Variants in KRT10 observed in about 807,000 individuals in gnomAD.
KRT10 encodes the protein keratin 10, also known as keratin, type I cytoskeletal 10.
KRT10 carries 40 observed loss-of-function variants against 59.2 expected under a neutral mutation model. That is an observed-to-expected ratio of 0.68 (90% CI 0.52 to 0.88). The LOEUF is 0.88. KRT10 is among the 40% of genes least tolerant of loss of function. The pLI, the probability that KRT10 is intolerant of heterozygous loss-of-function variation, is 0.00. For synonymous variants in KRT10, 336 were observed against 310.7 expected (o/e 1.08, Z -0.86); for missense variants, 719 against 749.1 (o/e 0.96, Z 0.47).
At chr17:40,819,977 C>T in intron 5 of KRT10, 72 bp downstream of exon 5, 1 of 1,562,306 alleles carries the variant, frequency 6.4e-7, no homozygotes, top group Non-Finnish European at 8.8e-7. Flanking sequence ...TTTTTTGTTG[C>T]ATTGCATATT....
chr17:40,822,158 G>T lies in KRT10; in HGVS notation c.428C>A (p.Ser143Tyr), dbSNP rs563178579. The change falls in exon 1 of 8, where the codon TCT (serine) becomes TAT (tyrosine). Residue 143 changes from serine (S) to tyrosine (Y), a missense_variant. Transcript: ENST00000269576. ...CTGCATGGTTACTTTTTCATTTCCA[G>T]AGAGAAGGCCACCATCTCCTCCAAA... ...GGFGGDGGLL[S>Y]GNEKVTMQNL... The T allele has an allele frequency of 2.9e-5, 47 of 1,613,894 alleles. No homozygotes were observed. The South Asian group carries it at 4.5e-4, about 15-fold the overall frequency.
Position 40,819,075 on chromosome 17 carries a change from T to C in KRT10, c.1460A>G (p.His487Arg), listed in dbSNP as rs1463314669. 33 of 1,215,212 alleles carry C rather than the reference T, an allele frequency of 2.7e-5. No individual in the cohort carries two copies. Among genetic ancestry groups the C allele is most frequent in the Non-Finnish European group, 3.4e-5 (32 of 932,144 alleles). The allele number at this position is 1,215,212 out of a possible 1,614,324, so 75.3% of individuals were successfully genotyped here. A position where few individuals can be genotyped will look rare whatever the true frequency, so the allele number is the denominator to read the frequency against. Residue 487 changes from histidine to arginine, a missense_variant, in exon 7 of 8, where the codon CAC becomes CGC. Transcript: ENST00000269576. ...GGAACTGCCGCCGTGGCCGCCGCCG[T>C]GGCCGCCGCCGGAGCTTCCGCCGCC... ...SSGGGSSGGG[H>R]GGGHGGSSGG...
Position 40,822,488 on chromosome 17 carries a change from G to A in KRT10, c.98C>T (p.Ser33Phe), listed in dbSNP as rs151149062. Residue 33 changes from serine (S) to phenylalanine (F), a missense_variant, in exon 1 of 8, where the codon TCC (serine) becomes TTC (phenylalanine). Coordinates refer to ENST00000269576, the MANE Select transcript of KRT10 (RefSeq NM_000421.5). ...GCCTTTGCTGCTAGAAATTCTTAGG[G>A]ATGACACTCCTCCTCCTCCTCCACA... ...GGCGGGGGVS[S>F]LRISSSKGSL... is the part of the protein sequence containing the mutation. The A allele has an allele frequency of 2.7e-4, 440 of 1,613,422 alleles. No homozygotes were observed. The highest frequency in any genetic ancestry group is 1.5e-3 in the Middle Eastern group (9 of 6,060).
At chr17:40,821,825 G>A in intron 1 of KRT10, 134 bp downstream of exon 1, 3 of 921,112 alleles carry the variant, frequency 3.3e-6, no homozygotes, top group South Asian at 3.0e-5. Flanking sequence ...TCTTTGATGA[G>A]ACTGGGTTAT....
Position 40,820,503 on chromosome 17 carries a change from T to A in KRT10, c.867+8A>T, listed in dbSNP as rs775107886. 1 of 1,614,234 alleles carries A rather than the reference T, an allele frequency of 6.2e-7. No individual in the cohort carries two copies. On this transcript the variant is annotated splice_region_variant and intron_variant, in intron 3 of 7. Coordinates refer to ENST00000269576, the MANE Select transcript of KRT10 (RefSeq NM_000421.5). ...TTTTGGCTGGGAAAAGTATAACTTT[T>A]GTGTCACCTCCTCGTGGTTCTTCTT...
At position 40,820,423 on chromosome 17, in the gene KRT10, C is replaced by T. The variant is rs762627487; in HGVS notation, c.868G>A (p.Glu290Lys). The change falls in exon 4 of 8, where the codon GAA becomes AAA. Residue 290 changes from glutamate (E) to lysine (K), a missense_variant and splice_region_variant. By Grantham distance (56) the Glu-to-Lys change is moderately conservative. Transcript: ENST00000269576. ...GACACATTTCGAAGGTCTTTCATTTCCTGTTTGAGGAACAGAAAGATTTAT... is the reference window on the plus strand; with the variant it reads ...GACACATTTCGAAGGTCTTTCATTTTCTGTTTGAGGAACAGAAAGATTTAT... ...LAYLKKNHEE[E>K]MKDLRNVSTG... 2.5e-6 allele frequency: 4 copies of T among 1,614,080 alleles called. No individual in the cohort carries two copies. The Admixed American group carries it at 5.0e-5, about 20-fold the overall frequency.
At chr17:40,819,346 G>T in intron 6 of KRT10, 171 bp downstream of exon 6, 1 of 1,388,632 alleles carries the variant, frequency 7.2e-7, no homozygotes, top group Non-Finnish European at 9.8e-7. Context: ...GAATCATTTT[G>T]GGCCAAATTC....
At position 40,818,965 on chromosome 17, in the gene KRT10, C is replaced by A; in HGVS notation, c.1570G>T (p.Gly524Cys). The A allele has an allele frequency of 7.3e-7, 1 of 1,375,968 alleles. No individual in the cohort carries two copies. Among genetic ancestry groups the A allele is most frequent in the Non-Finnish European group, 9.4e-7 (1 of 1,066,360 alleles). The allele number at this position is 1,375,968 out of a possible 1,614,324, so 85.2% of individuals were successfully genotyped here. Residue 524 changes from glycine (G) to cysteine (C), a missense_variant, in exon 7 of 8, where the codon GGC becomes TGC. This residue lies in a region of KRT10 where 315 missense variants were observed against 270.6 expected (regional missense o/e 1.16). Transcript: ENST00000269576. ...CCACCGTAGCCGCCGCTGGAACTGC[C>A]GCCGTGGCCGCCGCTGGAGCTTCCG... ...GGGSSSGGHG[G>C]SSSGGYGGGS...
In KRT10 at chr17:40,818,855, G is replaced by GCCGCCGCCGTAT. The variant is rs773329009; in HGVS notation, c.1668_1679dup (p.Tyr557_Gly560dup). The GCCGCCGCCGTAT allele has an allele frequency of 5.2e-6, 8 of 1,539,028 alleles. No individual in the cohort carries two copies. The highest frequency in any genetic ancestry group is 6.1e-6 in the Non-Finnish European group (7 of 1,149,832). On this transcript the variant is annotated inframe_insertion, in exon 7 of 8. Coordinates refer to ENST00000269576, the MANE Select transcript of KRT10 (RefSeq NM_000421.5). ...AGGACTTGTGGCCTCCGCTGGAGCTGCCGCCGCCGTATCCGCCGCCGGAGC... is the reference window on the plus strand; with the variant it reads ...AGGACTTGTGGCCTCCGCTGGAGCTGCCGCCGCCGTATCCGCCGCCGTATCCGCCGCCGGAGC...
Position 40,818,328 on chromosome 17 carries a change from TG to T in KRT10, c.*147del, listed in dbSNP as rs1905142079. 2.0e-5 allele frequency: 21 copies of T among 1,058,936 alleles called. No individual in the cohort carries two copies. In the South Asian group the frequency reaches 3.0e-4, roughly 15 times the overall value. The allele number at this position is 1,058,936 out of a possible 1,614,324, so 65.6% of individuals were successfully genotyped here. On this transcript the variant is annotated 3_prime_UTR_variant, in exon 8 of 8. Coordinates refer to ENST00000269576, the MANE Select transcript of KRT10 (RefSeq NM_000421.5). ...TTGGAGACTTTGTTTTCCATGCATC[TG>T]TAAATAATGGTCTGTGTGAAGGGAG...
chr17:40,819,743 G>C lies in KRT10; in HGVS notation c.1156-9C>G. 1 of 1,613,006 alleles carries C rather than the reference G, an allele frequency of 6.2e-7. No individual in the cohort carries two copies. The highest frequency in any genetic ancestry group is 8.5e-7 in the Non-Finnish European group (1 of 1,178,946). ...GCTTCCAGGGATTGTTTCTGAAACG[G>C]ATTTTTTTGTGGCTTAGTGACTTCC... On this transcript the variant is annotated splice_polypyrimidine_tract_variant and intron_variant, in intron 5 of 7. Coordinates refer to ENST00000269576, the MANE Select transcript of KRT10 (RefSeq NM_000421.5).
Position 40,819,123 on chromosome 17 carries a change from C to T in KRT10, c.1412G>A (p.Gly471Asp). The change falls in exon 7 of 8, where the codon GGC becomes GAC. Residue 471 changes from glycine (G) to aspartate (D), a missense_variant. Around this residue, in one of 4 missense-constraint regions of KRT10, gnomAD observed 315 missense variants for 270.6 expected, o/e 1.16. Coordinates refer to ENST00000269576, the MANE Select transcript of KRT10 (RefSeq NM_000421.5). Reference protein sequence around the residue: ...GGGRGGGSFGGGYGGGSSGGG... With the variant: ...GGGRGGGSFGDGYGGGSSGGG... ...GCCGGAGCTTCCGCCGCCGTAGCCG[C>T]CGCCGAAACTTCCGCCGCCGCGTCC... The T allele has an allele frequency of 1.3e-6, 2 of 1,528,734 alleles. No homozygotes were observed. Among genetic ancestry groups the T allele is most frequent in the South Asian group, 1.2e-5 (1 of 83,118 alleles). 94.7% of individuals were successfully genotyped at this position (1,528,734 alleles called of 1,614,324 possible). A position where few individuals can be genotyped will look rare whatever the true frequency, so the allele number is the denominator to read the frequency against.
chr17:40,822,157 A>G lies in KRT10; in HGVS notation c.429T>C (p.Ser143=), dbSNP rs770154440. ...GGFGGDGGLL[S]GNEKVTMQNL... ...TCTGCATGGTTACTTTTTCATTTCC[A>G]GAGAGAAGGCCACCATCTCCTCCAA... Residue 143 remains serine, a synonymous_variant, in exon 1 of 8, where the codon TCT becomes TCC. Coordinates refer to ENST00000269576, the MANE Select transcript of KRT10 (RefSeq NM_000421.5). 8 of 1,613,966 alleles carry G rather than the reference A, an allele frequency of 5.0e-6. No homozygotes were observed. Among genetic ancestry groups the G allele is most frequent in the Non-Finnish European group, 6.8e-6 (8 of 1,179,988 alleles).
At position 40,820,279 on chromosome 17, in the gene KRT10, C is replaced by T. The variant is rs1295984057; in HGVS notation, c.1012G>A (p.Ala338Thr). The T allele has an allele frequency of 2.5e-6, 4 of 1,614,216 alleles. No individual in the cohort carries two copies. Among genetic ancestry groups the T allele is most frequent in the Non-Finnish European group, 3.4e-6 (4 of 1,180,046 alleles). ...TACTTTACCTTTTCATTGAACCAGGCTTCAGCATCTTTGCGGTTTTGTTCA... is the reference window on the plus strand; with the variant it reads ...TACTTTACCTTTTCATTGAACCAGGTTTCAGCATCTTTGCGGTTTTGTTCA... ...LAEQNRKDAEAWFNEKSKELT... is the reference protein window; with the variant it reads ...LAEQNRKDAETWFNEKSKELT... The change falls in exon 4 of 8, where the codon GCC becomes ACC. Residue 338 changes from alanine to threonine, a missense_variant. This residue lies in a region of KRT10 where 221 missense variants were observed against 277.8 expected (regional missense o/e 0.80). Transcript: ENST00000269576.
intron 7 of KRT10, 99 bp from the exon 8 acceptor site, chr17:40,818,581 T>C (rs1202030507): frequency 6.4e-6 from 8 of 1,242,292 alleles, no homozygotes; most frequent in African/African-American, 1.5e-5. Flanking sequence ...AACTTTACAT[T>C]GTTAAGCCCA....
In KRT10 at chr17:40,818,466, T is replaced by G; in HGVS notation, c.*10A>C. 3 of 1,612,104 alleles carry G rather than the reference T, an allele frequency of 1.9e-6. No homozygotes were observed. The highest frequency in any genetic ancestry group is 2.7e-5 in the African/African-American group (2 of 74,990). ...CCTCTTCAATAATTGTCTTGATTAC[T>G]CTGGTTTTGTTAGTATCTGTGTGAA... is the stretch of plus-strand genomic sequence containing the variant. On this transcript the variant is annotated 3_prime_UTR_variant, in exon 8 of 8. Transcript: ENST00000269576.
chr17:40,820,771 G>A, intron 2 of KRT10, 104 bp from the exon 3 acceptor site: 2 of 1,261,468 alleles, frequency 1.6e-6, no homozygotes, highest in South Asian at 1.2e-5. Flanking sequence ...TCATGTAATG[G>A]CAATATTTGT....
chr17:40,819,944 C>G (rs984799830), intron 5 of KRT10, 105 bp downstream of exon 5: 3 of 1,422,826 alleles, frequency 2.1e-6, no homozygotes, highest in Middle Eastern at 2.4e-4. Context: ...TTTGTTTTCT[C>G]TTTCTTACCT....
chr17:40,819,144 C>G lies in KRT10; in HGVS notation c.1391G>C (p.Arg464Pro). Reference protein sequence around the residue: ...EGEGSSGGGGRGGGSFGGGYG... With the variant: ...EGEGSSGGGGPGGGSFGGGYG... ...GCCGCCGCCGAAACTTCCGCCGCCGCGTCCGCCGCCTCCGGAACTAAACGG... is the reference window on the plus strand; with the variant it reads ...GCCGCCGCCGAAACTTCCGCCGCCGGGTCCGCCGCCTCCGGAACTAAACGG... Residue 464 changes from arginine to proline, a missense_variant, in exon 7 of 8, where the codon CGC (arginine) becomes CCC (proline). Arg to Pro is a moderately radical substitution (Grantham distance 103). This residue lies in a region of KRT10 where 315 missense variants were observed against 270.6 expected (regional missense o/e 1.16). Transcript: ENST00000269576. 6.5e-7 allele frequency: 1 copy of G among 1,539,958 alleles called. No individual in the cohort carries two copies. The highest frequency in any genetic ancestry group is 8.7e-7 in the Non-Finnish European group (1 of 1,153,002).
Sources: gnomAD v4.1 joint callset for allele counts on GRCh38, gnomAD v4.1.1 for gene constraint, gnomAD v4.1.1 regional missense constraint, MANE v1.5 for transcripts, NCBI Gene and HGNC (gene_info 2026-07-23, HGNC 2026-07-21) for gene names.